Variants in HERC1 observed in about 807,000 individuals in gnomAD.
HERC1 encodes the protein probable E3 ubiquitin-protein ligase HERC1.
HERC1 carries 160 observed loss-of-function variants against 554.3 expected under a neutral mutation model. The observed-to-expected ratio is 0.29, with a 90% confidence interval of 0.25 to 0.33. HERC1 has a LOEUF of 0.33. Ranked by LOEUF, HERC1 falls within the 10% of genes least tolerant of loss-of-function variation. HERC1 has a pLI of 1.00. For synonymous variants in HERC1, 2,175 were observed against 2,131.7 expected (o/e 1.02, Z -0.56); for missense variants, 4,919 against 5,918.5 (o/e 0.83, Z 5.54).
In HERC1 at chr15:63,612,578, C is replaced by T. The variant is rs1389084722; in HGVS notation, c.14095-22G>A. ...CCACCTGCTCCCGGGAGAGGTTGCT[C>T]ATTCAATGAGTGTGCGTGAACCTGG... On this transcript the variant is annotated intron_variant, in intron 76 of 77. Coordinates refer to ENST00000443617, the MANE Select transcript of HERC1 (RefSeq NM_003922.4). The surrounding 1 kb of genome is among the most constrained non-coding windows in gnomAD (Gnocchi z 5.0). 3.1e-6 allele frequency: 5 copies of T among 1,603,828 alleles called. No individual in the cohort carries two copies. The Admixed American group carries it at 6.7e-5, about 22-fold the overall frequency.
intron 39 of HERC1, 39 bp from the exon 40 acceptor site, chr15:63,669,737 T>C (rs1420365540): frequency 3.2e-6 from 5 of 1,580,602 alleles, no homozygotes; most frequent in Non-Finnish European, 4.3e-6. Flanking sequence ...AAAATCCAAT[T>C]TACGAAATAA....
chr15:63,617,298 A>T (rs1192401622), intron 74 of HERC1, among the ~76,000 whole-genome samples: 4 of 152,136 alleles, frequency 2.6e-5, no homozygotes, highest in Non-Finnish European at 4.4e-5. Flanking sequence ...GCTGAGAATG[A>T]TGGTTTCCAG....
chr15:63,711,159 C>T (rs553807844), intron 24 of HERC1, among the ~76,000 whole-genome samples: 97 of 152,048 alleles, frequency 6.4e-4, no homozygotes, highest in African/African-American at 2.2e-3. Flanking sequence ...CAGAGCAAGA[C>T]ATAAAAATTT....
chr15:63,818,145 A>T (rs1171781343), intron 1 of HERC1, among the ~76,000 whole-genome samples: 1 of 152,154 alleles, frequency 6.6e-6, no homozygotes, highest in East Asian at 1.9e-4. Flanking sequence ...TCTCTGTGAA[A>T]AAAAGTGTTT....
intron 57 of HERC1, among the ~76,000 whole-genome samples, chr15:63,644,108 TCTC>T (rs2069204251): frequency 6.6e-6 from 1 of 152,188 alleles, no homozygotes; most frequent in Non-Finnish European, 1.5e-5. Flanking sequence ...GCTGTGATAT[TCTC>T]CTATTAGTGA....
intron 1 of HERC1, among the ~76,000 whole-genome samples, chr15:63,785,305 TC>T (rs1396056155): frequency 1.3e-5 from 2 of 152,068 alleles, no homozygotes; most frequent in Non-Finnish European, 2.9e-5. Flanking sequence ...ACGACTGTGG[TC>T]CCAGCAACTT....
chr15:63,744,765 G>A (rs1385228394), intron 12 of HERC1, among the ~76,000 whole-genome samples: 1 of 152,106 alleles, frequency 6.6e-6, no homozygotes, highest in Admixed American at 6.5e-5. Flanking sequence ...TTCTCCTGTA[G>A]CCCAGGACAG....
At chr15:63,730,448 C>T (rs1184685398) in intron 14 of HERC1, among the ~76,000 whole-genome samples, 3 of 151,950 alleles carry the variant, frequency 2.0e-5, no homozygotes, top group African/African-American at 7.3e-5. Context: ...AACAGAAAGC[C>T]TGTCTCTAAT....
intron 1 of HERC1, among the ~76,000 whole-genome samples, chr15:63,793,968 G>A (rs969618567): frequency 6.6e-6 from 1 of 152,150 alleles, no homozygotes. Flanking sequence ...ACAGGTTACA[G>A]TAAAGGAGCT....
rs563031002 is a variant in HERC1 at position 63,830,668 on chromosome 15, G to A, written c.-27+3159C>T. 1.4e-4 allele frequency among the ~76,000 whole-genome samples: 21 copies of A among 152,322 alleles called. 1 individual carries two copies. Among genetic ancestry groups the A allele is most frequent in the Middle Eastern group, 3.4e-3 (1 of 294 alleles). ...AACATTAGGGGGAGCTTGGTGAAGA[G>A]TATGTAAGAACTCTGTACTCTCTCT... On this transcript the variant is annotated intron_variant, in intron 1 of 77. Coordinates refer to ENST00000443617, the MANE Select transcript of HERC1 (RefSeq NM_003922.4).
chr15:63,632,949 C>G (rs2152809475), intron 67 of HERC1, 138 bp from the exon 68 acceptor site: 1 of 632,900 alleles, frequency 1.6e-6, no homozygotes, highest in South Asian at 2.0e-5. Flanking sequence ...AAATCCAAAC[C>G]TGAAATGTTA....
intron 63 of HERC1, 71 bp from the exon 64 acceptor site, chr15:63,637,714 G>C: frequency 8.0e-7 from 1 of 1,244,204 alleles, no homozygotes; most frequent in South Asian, 1.5e-5. Context: ...CACTTGAAAT[G>C]ATTCCACGTA....
At chr15:63,641,924 C>G (rs1465565036) in intron 59 of HERC1, among the ~76,000 whole-genome samples, 1 of 151,926 alleles carries the variant, frequency 6.6e-6, no homozygotes, top group Non-Finnish European at 1.5e-5. Context: ...TCTTCAGAAC[C>G]TGCAGAATAA....
At chr15:63,625,571 G>A (rs1003863788) in intron 71 of HERC1, among the ~76,000 whole-genome samples, 33 of 151,870 alleles carry the variant, frequency 2.2e-4, no homozygotes, top group African/African-American at 6.8e-4. Flanking sequence ...GCCCAGGCCT[G>A]TAATCTCAGC....
rs185278434 is a variant in HERC1, at chr15:63,770,902, T to C, written c.930+3792A>G. Among the ~76,000 whole-genome samples, 158 of 152,196 alleles carry C rather than the reference T, an allele frequency of 1.0e-3. 4 individuals are homozygous for C. The highest frequency in any genetic ancestry group is 8.2e-4 in the Non-Finnish European group (56 of 67,992). ...AACAGTAAAGTGTAAGAAACATGGGTTCTAGGCTGGGCACGGTGGCTCACG... is the reference window on the plus strand; with the variant it reads ...AACAGTAAAGTGTAAGAAACATGGGCTCTAGGCTGGGCACGGTGGCTCACG... On this transcript the variant is annotated intron_variant, in intron 2 of 77. Coordinates refer to ENST00000443617, the MANE Select transcript of HERC1 (RefSeq NM_003922.4).
chr15:63,625,670 G>A (rs1326322112), intron 71 of HERC1, among the ~76,000 whole-genome samples: 1 of 149,728 alleles, frequency 6.7e-6, no homozygotes, highest in Admixed American at 6.7e-5. Context: ...CTCCAGCCTG[G>A]GCGACAGAGT....
intron 27 of HERC1, 141 bp downstream of exon 27, chr15:63,695,983 A>G (rs1456864530): frequency 1.6e-6 from 1 of 630,326 alleles, no homozygotes; most frequent in Non-Finnish European, 2.8e-6. Flanking sequence ...TATTTAGGAA[A>G]TGGAACCAAG....
Position 63,752,939 on chromosome 15 carries a change from A to G in HERC1, c.1902+19T>C, listed in dbSNP as rs1183130081. On this transcript the variant is annotated intron_variant, in intron 8 of 77. Coordinates refer to ENST00000443617, the MANE Select transcript of HERC1 (RefSeq NM_003922.4). ...CTCTGAAATACTCTAAGTCTTTTAT[A>G]CTCATCCCTTAGTCCTACCTGCCCT... 3.1e-6 allele frequency: 5 copies of G among 1,610,130 alleles called. No individual in the cohort carries two copies. The highest frequency in any genetic ancestry group is 4.2e-6 in the Non-Finnish European group (5 of 1,177,962).
intron 76 of HERC1, among the ~76,000 whole-genome samples, chr15:63,614,923 A>G (rs904573946): frequency 1.3e-5 from 2 of 152,256 alleles, no homozygotes; most frequent in African/African-American, 4.8e-5. Context: ...AGTATGTGAT[A>G]TATCTTGAGG....
Sources: allele counts gnomAD v4.1 joint callset (sites outside exome capture counted in the v4.1 genomes callset), GRCh38; gene constraint gnomAD v4.1.1; non-coding constraint Gnocchi (gnomAD v3.1); transcripts MANE v1.5; gene names NCBI Gene and HGNC (gene_info 2026-07-23, HGNC 2026-07-21).